The following MAP4K4 variants were observed in gnomAD, a reference collection of about 807,000 sequenced individuals.
MAP4K4 encodes the protein HPK/GCK-like kinase HGK.
MAP4K4 carries 38 observed loss-of-function variants against 189.6 expected under a neutral mutation model. The observed-to-expected ratio is 0.20, with a 90% CI of 0.15 to 0.26. The LOEUF (loss-of-function observed/expected upper bound fraction) is 0.26. Among genes scored for constraint, MAP4K4 ranks in the 10% least tolerant of loss-of-function variants. MAP4K4 has a pLI of 1.00. For synonymous variants in MAP4K4, 610 were observed against 624.3 expected, an observed-to-expected ratio of 0.98 and a Z score of 0.34; for missense variants, 1,054 against 1,726.9, an observed-to-expected ratio of 0.61 and a Z score of 6.91.
rs781728061 is a variant in MAP4K4 at position 101,864,890 on chromosome 2, A to T, written c.2098-40A>T. ...TAGGGAAGTATTTTTTTTCCTTTTC[A>T]TGTTTTCAATAATTTAATTGCTATA... is the stretch of plus-strand genomic sequence containing the variant. On this transcript the variant is annotated intron_variant, in intron 17 of 32. Coordinates refer to ENST00000324219, the Ensembl canonical transcript of MAP4K4. 28 of 1,302,796 alleles carry T rather than the reference A, an allele frequency of 2.1e-5. No individual in the cohort carries two copies. In the African/African-American group the frequency reaches 3.5e-4, roughly 16 times the overall value. The allele number at this position is 1,302,796 out of a possible 1,614,324, so 80.7% of individuals were successfully genotyped here. A position where few individuals can be genotyped will look rare whatever the true frequency, so the allele number is the denominator to read the frequency against.
chr2:101,892,833 C>G (rs1270833145), exon 33 of MAP4K4: 4 of 449,236 alleles, frequency 8.9e-6, no homozygotes, highest in Middle Eastern at 6.5e-4. Context: ...GGTCATCACT[C>G]AAGCTCCCGT....
intron 2 of MAP4K4, among the ~76,000 whole-genome samples, chr2:101,743,363 C>CTG (rs1410145202): frequency 2.0e-5 from 3 of 152,158 alleles, no homozygotes; most frequent in Admixed American, 2.0e-4. Flanking sequence ...TGTAACAGAA[C>CTG]TGTGACCCTA....
chr2:101,727,228 G>A (rs1210424007), intron 2 of MAP4K4, among the ~76,000 whole-genome samples: 2 of 152,114 alleles, frequency 1.3e-5, no homozygotes, highest in African/African-American at 4.8e-5. Flanking sequence ...ATGTTTGGAT[G>A]GTGTAGATGG....
chr2:101,887,796 C>A, exon 31 of MAP4K4: 2 of 1,611,296 alleles, frequency 1.2e-6, no homozygotes, highest in Non-Finnish European at 1.7e-6. Flanking sequence ...TAGCATCAAA[C>A]CCCATGCAAT....
intron 3 of MAP4K4, among the ~76,000 whole-genome samples, chr2:101,815,047 G>C (rs1413447979): frequency 6.6e-6 from 1 of 152,158 alleles, no homozygotes; most frequent in Non-Finnish European, 1.5e-5. Context: ...GCCTCATTTT[G>C]ACAGCCAATA....
intron 1 of MAP4K4, 128 bp from the exon 2 acceptor site, chr2:101,698,345 C>A: frequency 1.1e-6 from 1 of 919,770 alleles, no homozygotes; most frequent in Non-Finnish European, 1.7e-6. Flanking sequence ...GACCCCCGGG[C>A]GCTGGGGGAC....
chr2:101,797,636 G>A (rs2093854789), intron 3 of MAP4K4, among the ~76,000 whole-genome samples: 1 of 151,984 alleles, frequency 6.6e-6, no homozygotes, highest in African/African-American at 2.4e-5. Flanking sequence ...GCCTTGTGTA[G>A]ATAGATAAAA....
intron 3 of MAP4K4, 119 bp from the exon 4 acceptor site, chr2:101,823,809 G>T: frequency 1.3e-6 from 1 of 791,910 alleles, no homozygotes; most frequent in Non-Finnish European, 1.9e-6. Flanking sequence ...ATGTATATGT[G>T]CCTCTGCTCC....
At chr2:101,760,468 A>G (rs917802560) in intron 2 of MAP4K4, among the ~76,000 whole-genome samples, 3 of 148,686 alleles carry the variant, frequency 2.0e-5, no homozygotes, top group Non-Finnish European at 3.0e-5. Context: ...CAGCCTGGCA[A>G]CACAGCAAGA....
At chr2:101,701,059 A>G (rs2038348149) in intron 2 of MAP4K4, among the ~76,000 whole-genome samples, 1 of 152,182 alleles carries the variant, frequency 6.6e-6, no homozygotes, top group Non-Finnish European at 1.5e-5. Context: ...AGTTTGAGAA[A>G]TACTTGTTGC....
chr2:101,781,857 A>G (rs1260193564), intron 2 of MAP4K4, among the ~76,000 whole-genome samples: 1 of 152,162 alleles, frequency 6.6e-6, no homozygotes, highest in Non-Finnish European at 1.5e-5. Flanking sequence ...TACTACAGTG[A>G]TAGCTCCTCG....
At chr2:101,844,583 A>G (rs2097030636) in intron 12 of MAP4K4, among the ~76,000 whole-genome samples, 1 of 152,220 alleles carries the variant, frequency 6.6e-6, no homozygotes, top group Admixed American at 6.5e-5. Context: ...GATGCAGAGC[A>G]AGTGTCCCAA....
chr2:101,781,621 C>G (rs1171311012), intron 2 of MAP4K4, among the ~76,000 whole-genome samples: 1 of 152,120 alleles, frequency 6.6e-6, no homozygotes, highest in Non-Finnish European at 1.5e-5. Context: ...TTAGACTAAC[C>G]TTTTTACTCC....
chr2:101,797,895 T>G lies in MAP4K4; in HGVS notation c.180+7119T>G, dbSNP rs769754212. Reference sequence around the variant, plus strand: ...TTTTTAAAACATTCTTTTAGTTTTTTTTTTTTTTTTTTTTTGGAGACCAAG... The same window carrying G: ...TTTTTAAAACATTCTTTTAGTTTTTGTTTTTTTTTTTTTTTGGAGACCAAG... On this transcript the variant is annotated intron_variant, in intron 3 of 32. Transcript: ENST00000324219. 6.9e-3 allele frequency among the ~76,000 whole-genome samples: 868 copies of G among 125,316 alleles called. 92 individuals carry two copies. The highest frequency in any genetic ancestry group is 0.026 in the Middle Eastern group (7 of 268). The allele number at this position is 125,316 out of a possible 152,430, so 82.2% of individuals were successfully genotyped here.
chr2:101,874,291 T>C (rs1455647919), intron 26 of MAP4K4, 39 bp downstream of exon 26: 1 of 1,559,008 alleles, frequency 6.4e-7, no homozygotes, highest in Non-Finnish European at 8.7e-7. Flanking sequence ...TTCATTTTTG[T>C]TCTGAGTGGT....
intron 2 of MAP4K4, among the ~76,000 whole-genome samples, chr2:101,704,420 T>G (rs1487305601): frequency 6.6e-6 from 1 of 151,252 alleles, no homozygotes; most frequent in Non-Finnish European, 1.5e-5. Flanking sequence ...TGATGATGGG[T>G]TTTTAACTCC....
intron 3 of MAP4K4, among the ~76,000 whole-genome samples, chr2:101,804,564 C>T (rs1002893857): frequency 1.3e-5 from 2 of 152,158 alleles, no homozygotes; most frequent in African/African-American, 4.8e-5. Context: ...TTTCTCTGAG[C>T]ACAGGAACCT....
intron 2 of MAP4K4, among the ~76,000 whole-genome samples, chr2:101,744,344 G>A (rs746252201): frequency 1.3e-5 from 2 of 152,214 alleles, no homozygotes; most frequent in Non-Finnish European, 2.9e-5. Context: ...GAAATGCAGT[G>A]TGTAGTATAC....
intron 29 of MAP4K4, 27 bp from the exon 30 acceptor site, chr2:101,887,061 C>G: frequency 1.6e-6 from 2 of 1,243,712 alleles, no homozygotes; most frequent in South Asian, 1.5e-5. Flanking sequence ...CCTTCATCTT[C>G]TCACTTCTCT....
Sources: allele counts gnomAD v4.1 joint callset (sites outside exome capture counted in the v4.1 genomes callset), GRCh38; gene constraint gnomAD v4.1.1; transcripts MANE v1.5; gene names NCBI Gene and HGNC (gene_info 2026-07-23, HGNC 2026-07-21).